Variants in MMS22L observed in about 807,000 individuals in gnomAD.
MMS22L encodes the protein protein MMS22-like.
In MMS22L, 74 loss-of-function variants were observed where a neutral mutation model predicts 159.1. The observed-to-expected ratio is 0.47, with a 90% confidence interval of 0.39 to 0.56. MMS22L has a LOEUF of 0.56. Ranked by LOEUF, MMS22L falls within the 20% of genes least tolerant of loss-of-function variation. MMS22L has a pLI of 0.00. For synonymous variants in MMS22L, 517 were observed against 506.9 expected (o/e 1.02, Z -0.27); for missense variants, 1,351 against 1,422.1 (o/e 0.95, Z 0.80).
chr6:97,206,766 C>T (rs1807834510), intron 14 of MMS22L, among the ~76,000 whole-genome samples: 1 of 151,942 alleles, frequency 6.6e-6, no homozygotes, highest in South Asian at 2.1e-4. Flanking sequence ...CACTAAACGC[C>T]CATCATAAGG....
chr6:97,170,192 T>C (rs149149229), intron 19 of MMS22L, among the ~76,000 whole-genome samples: 7 of 152,274 alleles, frequency 4.6e-5, no homozygotes, highest in African/African-American at 9.6e-5. Context: ...ACTAGTGGTG[T>C]TGAACATATC....
intron 15 of MMS22L, among the ~76,000 whole-genome samples, 168 bp from the exon 16 acceptor site, chr6:97,182,222 T>G (rs747827548): frequency 2.6e-5 from 4 of 151,852 alleles, no homozygotes; most frequent in Non-Finnish European, 4.4e-5. Flanking sequence ...CTGAACAAAT[T>G]CATGTTGTCA....
intron 6 of MMS22L, chr6:97,272,442 G>A (rs1464794355): frequency 3.0e-6 from 1 of 336,564 alleles, no homozygotes; most frequent in Non-Finnish European, 5.4e-6. Context: ...TGACTACTAT[G>A]TTTTAATAAC....
intron 14 of MMS22L, among the ~76,000 whole-genome samples, chr6:97,228,496 G>C (rs1162133092): frequency 1.3e-5 from 2 of 152,152 alleles, no homozygotes; most frequent in African/African-American, 4.8e-5. Flanking sequence ...ATGGGTTGCA[G>C]TCAAAACTTT....
chr6:97,192,721 G>A (rs759852710), intron 14 of MMS22L, among the ~76,000 whole-genome samples: 17 of 152,114 alleles, frequency 1.1e-4, no homozygotes, highest in Non-Finnish European at 2.2e-4. Context: ...AATTAAATAA[G>A]ACATATTCAA....
chr6:97,217,609 T>A (rs1809161613), intron 14 of MMS22L, among the ~76,000 whole-genome samples: 1 of 152,136 alleles, frequency 6.6e-6, no homozygotes, highest in Admixed American at 6.5e-5. Context: ...TATATAATTA[T>A]TAGGAACTGG....
At chr6:97,151,744 T>C (rs1801339853) in intron 23 of MMS22L, 27 bp downstream of exon 23, 1 of 1,585,648 alleles carries the variant, frequency 6.3e-7, no homozygotes, top group African/African-American at 1.3e-5. Flanking sequence ...AATAGTTTCC[T>C]TGCCAGGTGG....
intron 14 of MMS22L, among the ~76,000 whole-genome samples, chr6:97,216,571 G>C (rs1350991995): frequency 6.6e-6 from 1 of 152,132 alleles, no homozygotes; most frequent in Non-Finnish European, 1.5e-5. Context: ...TCAGAGAAGA[G>C]TTAACTTTAA....
In MMS22L at chr6:97,181,940, A is replaced by G. The variant is rs1804755002; in HGVS notation, c.2348T>C (p.Val783Ala). 3 of 1,613,050 alleles carry G rather than the reference A, an allele frequency of 1.9e-6. No individual in the cohort carries two copies. The East Asian group carries it at 6.7e-5, about 36-fold the overall frequency. The change falls in exon 16 of 25, where the codon GTT (valine) becomes GCT (alanine). Residue 783 changes from valine to alanine, a missense_variant. Transcript: ENST00000683635. ...GACATGACTTAAATATCTTGCTACA[A>G]CTTGAGGGCAGATGATATCATCCCA... Reference protein sequence around the residue: ...FGWDDIICPQVVARYLSHVLQ... With the variant: ...FGWDDIICPQAVARYLSHVLQ...
At chr6:97,189,323 G>A (rs1805603956) in intron 14 of MMS22L, among the ~76,000 whole-genome samples, 1 of 150,508 alleles carries the variant, frequency 6.6e-6, no homozygotes, top group African/African-American at 2.4e-5. Flanking sequence ...ATTTTGGGAG[G>A]CTGAGGTGGG....
chr6:97,236,883 G>C (rs1042115558), intron 11 of MMS22L, among the ~76,000 whole-genome samples: 2 of 151,398 alleles, frequency 1.3e-5, no homozygotes, highest in Non-Finnish European at 2.9e-5. Context: ...CCTGGGAGGC[G>C]AAGCTTGCAG....
intron 22 of MMS22L, among the ~76,000 whole-genome samples, chr6:97,152,265 C>T (rs1001028075): frequency 7.2e-5 from 11 of 151,910 alleles, no homozygotes; most frequent in Non-Finnish European, 1.3e-4. Context: ...ATATTCCTCC[C>T]ACCCCCTCAC....
chr6:97,212,375 A>T lies in MMS22L; in HGVS notation c.2039+16519T>A, dbSNP rs146900081. Among the ~76,000 whole-genome samples, 277 of 152,328 alleles carry T rather than the reference A, an allele frequency of 1.8e-3. 1 individual carries two copies. Among genetic ancestry groups the T allele is most frequent in the African/African-American group, 6.4e-3 (264 of 41,570 alleles). On this transcript the variant is annotated intron_variant, in intron 14 of 24. Transcript: ENST00000683635. ...CCAAGAAAGCAATTTATGTACTTAA[A>T]GCATAAATAGTATTCTTTTCATGGA...
intron 14 of MMS22L, among the ~76,000 whole-genome samples, chr6:97,209,059 T>C (rs1029530557): frequency 3.3e-5 from 5 of 151,926 alleles, no homozygotes; most frequent in African/African-American, 1.2e-4. Flanking sequence ...CAGGTATAAA[T>C]CCTACTTCTT....
At chr6:97,202,563 T>C (rs1278503550) in intron 14 of MMS22L, among the ~76,000 whole-genome samples, 1 of 152,160 alleles carries the variant, frequency 6.6e-6, no homozygotes, top group Non-Finnish European at 1.5e-5. Flanking sequence ...TATTTTCTAA[T>C]TTGGTTTTTT....
At chr6:97,230,944 G>C (rs1022754625) in intron 13 of MMS22L, 1 of 158,216 alleles carries the variant, frequency 6.3e-6, no homozygotes, top group Non-Finnish European at 1.4e-5. Context: ...ACTGCACAAA[G>C]AAGGCTAAGA....
At chr6:97,233,821 T>C (rs767407357) in intron 12 of MMS22L, 40 bp downstream of exon 12, 3 of 1,555,824 alleles carry the variant, frequency 1.9e-6, no homozygotes, top group Admixed American at 4.1e-5. Flanking sequence ...TGTACAAATT[T>C]TTAAAATTCC....
intron 19 of MMS22L, 74 bp downstream of exon 19, chr6:97,172,989 A>G: frequency 7.1e-7 from 1 of 1,414,120 alleles, no homozygotes; most frequent in South Asian, 1.3e-5. Context: ...TAGCCAATAT[A>G]TACCTATCCA....
intron 10 of MMS22L, among the ~76,000 whole-genome samples, chr6:97,250,290 A>G (rs1813108355): frequency 6.6e-6 from 1 of 152,216 alleles, no homozygotes; most frequent in African/African-American, 2.4e-5. Flanking sequence ...CCAGATATGT[A>G]GAACAGATTC....
Sources: gnomAD v4.1 joint callset for allele counts (sites outside exome capture counted in the v4.1 genomes callset) on GRCh38, gnomAD v4.1.1 for gene constraint, MANE v1.5 for transcripts, NCBI Gene and HGNC (gene_info 2026-07-23, HGNC 2026-07-21) for gene names.